AKT3: variants seen among roughly 807,000 people sequenced by gnomAD.
AKT3 encodes the protein AKT serine/threonine kinase 3, also known as RAC-gamma serine/threonine-protein kinase.
A neutral mutation model predicts 65.3 loss-of-function variants in AKT3; 15 were observed. That is an observed-to-expected ratio of 0.23 (90% CI 0.15 to 0.35). The LOEUF is 0.35. AKT3 is among the 10% of genes least tolerant of loss of function. AKT3 has a pLI of 1.00. For missense variants in AKT3, 243 were observed against 576.5 expected (o/e 0.42, Z 5.92); for synonymous variants, 206 against 183.8 (o/e 1.12, Z -0.98).
At chr1:243,590,719 T>C (rs1422833986) in intron 8 of AKT3, among the ~76,000 whole-genome samples, 1 of 152,028 alleles carries the variant, frequency 6.6e-6, no homozygotes, top group African/African-American at 2.4e-5. Flanking sequence ...GAATGTGAAA[T>C]CATAGCTAAA....
intron 2 of AKT3, among the ~76,000 whole-genome samples, chr1:243,813,556 C>T (rs747380248): frequency 1.3e-5 from 2 of 151,308 alleles, no homozygotes; most frequent in Non-Finnish European, 2.9e-5. Context: ...AGCAATATAA[C>T]GTTAGATTTT....
chr1:243,757,383 T>G (rs971064677), intron 2 of AKT3, among the ~76,000 whole-genome samples: 5 of 152,150 alleles, frequency 3.3e-5, no homozygotes, highest in African/African-American at 9.7e-5. Context: ...TTTGGGAGGC[T>G]GAGGCGGGTG....
At chr1:243,829,346 G>A (rs1474846042) in intron 2 of AKT3, among the ~76,000 whole-genome samples, 1 of 152,090 alleles carries the variant, frequency 6.6e-6, no homozygotes, top group Non-Finnish European at 1.5e-5. Context: ...AAAAGGTGAA[G>A]AGTTTGTAAG....
At chr1:243,844,676 G>A (rs756409643) in intron 1 of AKT3, among the ~76,000 whole-genome samples, 4 of 152,124 alleles carry the variant, frequency 2.6e-5, no homozygotes, top group East Asian at 1.9e-4. Context: ...ATGGGGTCCC[G>A]CTATATTGTC....
intron 2 of AKT3, among the ~76,000 whole-genome samples, chr1:243,725,384 A>G (rs987633611): frequency 6.6e-6 from 1 of 152,172 alleles, no homozygotes; most frequent in Non-Finnish European, 1.5e-5. Flanking sequence ...CAGTGACTAG[A>G]GTGAGTGAAG....
intron 3 of AKT3, among the ~76,000 whole-genome samples, chr1:243,694,245 T>C (rs769233860): frequency 1.3e-5 from 2 of 152,210 alleles, no homozygotes; most frequent in Admixed American, 6.5e-5. Flanking sequence ...AGATAATGTA[T>C]GCTGCTTATG....
intron 2 of AKT3, among the ~76,000 whole-genome samples, chr1:243,781,972 A>G (rs1690943585): frequency 6.6e-6 from 1 of 152,120 alleles, no homozygotes; most frequent in Non-Finnish European, 1.5e-5. Context: ...ACAAGTGCAC[A>G]CCATCATGCC....
intron 2 of AKT3, among the ~76,000 whole-genome samples, chr1:243,815,409 T>C (rs559004864): frequency 6.4e-4 from 98 of 152,300 alleles, no homozygotes; most frequent in South Asian, 2.1e-3. Flanking sequence ...TTAATATTTT[T>C]CTCACTTTCC....
chr1:243,624,338 A>G (rs1175011242), intron 6 of AKT3, among the ~76,000 whole-genome samples: 1 of 152,244 alleles, frequency 6.6e-6, no homozygotes. Flanking sequence ...ATGATGAGAA[A>G]CAAGCTAAAT....
At chr1:243,741,635 A>G (rs1020948980) in intron 2 of AKT3, 3 of 152,196 alleles carry the variant, frequency 2.0e-5, no homozygotes, top group African/African-American at 7.2e-5. Flanking sequence ...TTTCTTAACC[A>G]GCTTTGTTCC....
chr1:243,832,275 T>TA (rs986038907), intron 2 of AKT3, among the ~76,000 whole-genome samples: 33 of 151,900 alleles, frequency 2.2e-4, no homozygotes, highest in Admixed American at 1.9e-3. Context: ...ATTAGTTTCA[T>TA]ACACCTCATA....
intron 1 of AKT3, among the ~76,000 whole-genome samples, chr1:243,847,420 A>G (rs1041664801): frequency 6.6e-6 from 1 of 152,180 alleles, no homozygotes; most frequent in Non-Finnish European, 1.5e-5. Context: ...AAAAGATATA[A>G]TAACAAAAGA....
chr1:243,846,165 A>C (rs1156592113), intron 1 of AKT3, among the ~76,000 whole-genome samples: 1 of 152,212 alleles, frequency 6.6e-6, no homozygotes, highest in Admixed American at 6.5e-5. Context: ...ATTTCAACTA[A>C]GACAAAATTT....
intron 2 of AKT3, among the ~76,000 whole-genome samples, chr1:243,733,260 A>G (rs1687660323): frequency 6.6e-6 from 1 of 152,250 alleles, no homozygotes; most frequent in Admixed American, 6.5e-5. Context: ...TTAAAATTAC[A>G]TTAATGAGAC....
intron 3 of AKT3, among the ~76,000 whole-genome samples, chr1:243,676,093 T>C (rs1266812825): frequency 1.3e-5 from 2 of 152,184 alleles, no homozygotes; most frequent in East Asian, 1.9e-4. Flanking sequence ...AAACAATTAA[T>C]TTATAACATA....
At position 243,645,961 on chromosome 1, in the gene AKT3, G is replaced by T; in HGVS notation, c.361C>A (p.Pro121Thr). The T allele has an allele frequency of 1.2e-6, 2 of 1,612,280 alleles. No homozygotes were observed. Among genetic ancestry groups the T allele is most frequent in the South Asian group, 1.1e-5 (1 of 90,956 alleles). Residue 121 changes from proline to threonine, a missense_variant, in exon 5 of 14, where the codon CCA (proline) becomes ACA (threonine). Pro to Thr is a conservative substitution (Grantham distance 38). Around this residue, in one of 6 missense-constraint regions of AKT3, gnomAD observed 72 missense variants for 86.0 expected, o/e 0.84. Coordinates refer to ENST00000673466, the MANE Select transcript of AKT3 (RefSeq NM_005465.7). ...CCTATATTATCAATTTGTGAAGTTG[G>T]ACTACAATTCATTCTCTCCTCTTCT... ...RQEEERMNCS[P>T]TSQIDNIGEE...
At chr1:243,630,106 A>G (rs1679492950) in intron 6 of AKT3, among the ~76,000 whole-genome samples, 1 of 152,236 alleles carries the variant, frequency 6.6e-6, no homozygotes, top group African/African-American at 2.4e-5. Context: ...TGGTAGATAC[A>G]AAAGCTCAAA....
chr1:243,642,704 C>T (rs976933286), intron 5 of AKT3, among the ~76,000 whole-genome samples: 1 of 152,180 alleles, frequency 6.6e-6, no homozygotes, highest in African/African-American at 2.4e-5. Flanking sequence ...TGGGGAAATA[C>T]TTTACAGTTA....
chr1:243,784,771 T>G (rs1691140733), intron 2 of AKT3, among the ~76,000 whole-genome samples: 3 of 152,190 alleles, frequency 2.0e-5, no homozygotes. Context: ...AGGGCTGGCC[T>G]TCACGGCCTC....
Sources: gnomAD v4.1 joint callset for allele counts (sites outside exome capture counted in the v4.1 genomes callset) on GRCh38, gnomAD v4.1.1 for gene constraint, gnomAD v4.1.1 regional missense constraint, MANE v1.5 for transcripts, NCBI Gene and HGNC (gene_info 2026-07-23, HGNC 2026-07-21) for gene names.